Variants in EFCAB6 observed in about 807,000 individuals in gnomAD.
EFCAB6 encodes the protein EF-hand calcium-binding domain-containing protein 6.
In EFCAB6, 156 loss-of-function variants were observed where a neutral mutation model predicts 169.8. The observed-to-expected ratio is 0.92, with a 90% CI of 0.81 to 1.05. The LOEUF is 1.05. Among genes scored for constraint, EFCAB6 ranks in the 50% least tolerant of loss-of-function variants. EFCAB6 has a pLI of 0.00. For synonymous variants in EFCAB6, 698 were observed against 676.4 expected (o/e 1.03, Z -0.50); for missense variants, 1,800 against 1,829.1 (o/e 0.98, Z 0.29).
intron 26 of EFCAB6, among the ~76,000 whole-genome samples, chr22:43,570,612 C>CTTTTTTTTT (rs34079137): frequency 6.8e-6 from 1 of 146,936 alleles, no homozygotes. Flanking sequence ...TAGGTGTTCT[C>CTTTTTTTTT]TTTTTTTTTT....
chr22:43,717,724 A>C (rs1438595432), intron 8 of EFCAB6, among the ~76,000 whole-genome samples: 1 of 152,140 alleles, frequency 6.6e-6, no homozygotes, highest in Non-Finnish European at 1.5e-5. Context: ...TGGTACTTGA[A>C]TATGCTTAAA....
At position 43,635,135 on chromosome 22, in the gene EFCAB6, T is replaced by C. The variant is rs2055289810; in HGVS notation, c.2065A>G (p.Met689Val). The change falls in exon 18 of 32, where the codon ATG becomes GTG. Residue 689 changes from methionine (M) to valine (V), a missense_variant. Transcript: ENST00000262726. ...CCTGCTGCAAAATCAAGATAGCTCA[T>C]CCCTTCCTTCTCGAAGCCTATTTTA... ...TTKIGFEKEGMSYLDFAAGFE... is the reference protein window; with the variant it reads ...TTKIGFEKEGVSYLDFAAGFE... The C allele has an allele frequency of 1.9e-6, 3 of 1,614,114 alleles. No individual in the cohort carries two copies. The highest frequency in any genetic ancestry group is 2.5e-6 in the Non-Finnish European group (3 of 1,180,012).
At chr22:43,640,528 A>T (rs5764177) in intron 17 of EFCAB6, among the ~76,000 whole-genome samples, 35,196 of 151,982 alleles carry the variant, frequency 0.23, 5,331 homozygotes, top group East Asian at 0.62. Flanking sequence ...TACTCTCTGG[A>T]TCTCTCCTTT....
chr22:43,583,629 G>A (rs768033579), intron 24 of EFCAB6, among the ~76,000 whole-genome samples: 1 of 152,070 alleles, frequency 6.6e-6, no homozygotes, highest in Admixed American at 6.5e-5. Flanking sequence ...CCTTTGGGAG[G>A]TGATTAGGTC....
intron 7 of EFCAB6, 121 bp downstream of exon 7, chr22:43,735,736 G>C: frequency 1.9e-6 from 2 of 1,051,180 alleles, no homozygotes; most frequent in Middle Eastern, 2.2e-4. Context: ...GAGAAATAAG[G>C]TGTGTGTGTG....
At chr22:43,543,015 G>T (rs887592237) in intron 27 of EFCAB6, among the ~76,000 whole-genome samples, 1 of 152,120 alleles carries the variant, frequency 6.6e-6, no homozygotes. Context: ...CTCTGCTTAC[G>T]ATGTAGAAAA....
intron 5 of EFCAB6, among the ~76,000 whole-genome samples, chr22:43,761,092 C>T (rs1469535796): frequency 6.6e-6 from 1 of 152,186 alleles, no homozygotes; most frequent in African/African-American, 2.4e-5. Flanking sequence ...CCTCAGATGC[C>T]CTTATAAAAG....
At chr22:43,565,393 A>C (rs2049359461) in intron 26 of EFCAB6, among the ~76,000 whole-genome samples, 1 of 152,202 alleles carries the variant, frequency 6.6e-6, no homozygotes, top group Non-Finnish European at 1.5e-5. Context: ...GCTGACTGCT[A>C]CAGTTCTGGG....
chr22:43,657,426 A>T (rs2056804287), intron 17 of EFCAB6, among the ~76,000 whole-genome samples: 1 of 149,706 alleles, frequency 6.7e-6, no homozygotes, highest in South Asian at 2.2e-4. Flanking sequence ...AAAATCAATC[A>T]TTAAAAAAAA....
chr22:43,677,682 A>AAAAT (rs941997696), intron 13 of EFCAB6, among the ~76,000 whole-genome samples: 6 of 152,016 alleles, frequency 3.9e-5, no homozygotes, highest in Non-Finnish European at 7.4e-5. Context: ...AAGAACAACA[A>AAAAT]AAATAAATAA....
chr22:43,685,385 C>G (rs1321244603), intron 11 of EFCAB6, among the ~76,000 whole-genome samples: 1 of 152,126 alleles, frequency 6.6e-6, no homozygotes, highest in African/African-American at 2.4e-5. Context: ...GAGCACCATC[C>G]AATCAGCTGG....
intron 26 of EFCAB6, among the ~76,000 whole-genome samples, chr22:43,573,540 G>A (rs776732069): frequency 2.6e-5 from 4 of 152,006 alleles, no homozygotes; most frequent in Admixed American, 6.5e-5. Flanking sequence ...AGACTAGCCC[G>A]ACCAACATGG....
chr22:43,550,962 T>C (rs2048347317), intron 27 of EFCAB6, among the ~76,000 whole-genome samples: 1 of 152,206 alleles, frequency 6.6e-6, no homozygotes, highest in Non-Finnish European at 1.5e-5. Context: ...TCAAAAGATG[T>C]GTCACTTCCC....
chr22:43,652,462 G>A (rs907058395), intron 17 of EFCAB6, among the ~76,000 whole-genome samples: 5 of 152,062 alleles, frequency 3.3e-5, no homozygotes, highest in East Asian at 1.9e-4. Context: ...CATCAGCAGC[G>A]TGAAAACGGA....
intron 6 of EFCAB6, among the ~76,000 whole-genome samples, 160 bp downstream of exon 6, chr22:43,755,606 C>T (rs1307752448): frequency 4.0e-4 from 61 of 152,308 alleles, no homozygotes; most frequent in Non-Finnish European, 1.3e-4. Flanking sequence ...TACAAGCTTT[C>T]GCACTGGCTT....
At position 43,530,869 on chromosome 22, in the gene EFCAB6, G is replaced by GTTC. The variant is rs2146966316; in HGVS notation, c.4328_4329insGAA (p.Phe1443delinsLeuAsn). The stretch of plus-strand genomic sequence containing the variant: ...CTGTTCCAGCCTCATCATAGCTTTT[G>GTTC]AACGTGCGCCGCATTGGCCTCCAGC... On this transcript the variant is annotated protein_altering_variant, in exon 31 of 32. Transcript: ENST00000262726. The GTTC allele has an allele frequency of 6.2e-7, 1 of 1,614,214 alleles. No individual in the cohort carries two copies. The highest frequency in any genetic ancestry group is 2.2e-5 in the East Asian group (1 of 44,886).
rs766211358 is a variant in EFCAB6, at chr22:43,530,955, C to T, written c.4243G>A (p.Gly1415Ser). The T allele has an allele frequency of 1.9e-5, 30 of 1,613,900 alleles. No homozygotes were observed. Among genetic ancestry groups the T allele is most frequent in the Admixed American group, 8.3e-5 (5 of 59,982 alleles). Residue 1415 changes from glycine (G) to serine (S), a missense_variant, in exon 31 of 32, where the codon GGC becomes AGC. By Grantham distance (56) the Gly-to-Ser change is moderately conservative. Coordinates refer to ENST00000262726, the MANE Select transcript of EFCAB6 (RefSeq NM_022785.4). ...GAGTAAAAAGATGGCGTCTCCGCGCCGGCTTCTTTCTAGACACAAGACAAG... is the reference window on the plus strand; with the variant it reads ...GAGTAAAAAGATGGCGTCTCCGCGCTGGCTTCTTTCTAGACACAAGACAAG... The part of the protein sequence containing the change: ...IQNAHKMKEA[G>S]AETPSFYSAL...
chr22:43,795,909 CCACACA>C lies in EFCAB6; in HGVS notation c.-8+13080_-8+13085del, dbSNP rs369041379. On this transcript the variant is annotated intron_variant, in intron 2 of 31. Transcript: ENST00000262726. The surrounding 1 kb of genome is among the most constrained non-coding windows in gnomAD (Gnocchi z 4.2). Reference sequence around the variant, plus strand: ...ACAATACACACTCACCACACATACACCACACACACACACACCCCTTCATCACACACG... The same window carrying C: ...ACAATACACACTCACCACACATACACCACACACACCCCTTCATCACACACG... Among the ~76,000 whole-genome samples, 1 of 149,364 alleles carries C rather than the reference CCACACA, an allele frequency of 6.7e-6. No individual in the cohort carries two copies. Among genetic ancestry groups the C allele is most frequent in the Non-Finnish European group, 1.5e-5 (1 of 67,268 alleles).
intron 2 of EFCAB6, among the ~76,000 whole-genome samples, chr22:43,785,956 A>G (rs963870713): frequency 2.0e-5 from 3 of 152,238 alleles, no homozygotes; most frequent in African/African-American, 2.4e-5. Flanking sequence ...AAAAACAGAA[A>G]TCTAGATAGA....
Sources: gnomAD v4.1 joint callset for allele counts (sites outside exome capture counted in the v4.1 genomes callset) on GRCh38, gnomAD v4.1.1 for gene constraint, Gnocchi (gnomAD v3.1) non-coding constraint, MANE v1.5 for transcripts, NCBI Gene and HGNC (gene_info 2026-07-23, HGNC 2026-07-21) for gene names.